Variants in DPF3 observed in about 807,000 individuals in gnomAD.
DPF3 encodes the protein double PHD fingers 3.
In DPF3, 18 loss-of-function variants were observed where a neutral mutation model predicts 56.8. The ratio of observed to expected loss-of-function variants is 0.32; its 90% confidence interval spans 0.22 to 0.47. The LOEUF (loss-of-function observed/expected upper bound fraction) is 0.47, where lower values mean the gene tolerates loss of function less well. Among genes scored for constraint, DPF3 ranks in the 20% least tolerant of loss-of-function variants. The pLI, the probability that DPF3 is intolerant of heterozygous loss-of-function variation, is 1.00. For synonymous variants in DPF3, 188 were observed against 180.2 expected, an observed-to-expected ratio of 1.04 and a Z score of -0.35; for missense variants, 403 against 488.8, an observed-to-expected ratio of 0.82 and a Z score of 1.65.
intron 1 of DPF3, among the ~76,000 whole-genome samples, chr14:72,804,852 C>A (rs1319096754): frequency 6.6e-6 from 1 of 152,130 alleles, no homozygotes; most frequent in East Asian, 1.9e-4. Flanking sequence ...AAGACAGAGA[C>A]AAGAAATCAG....
chr14:72,746,232 A>C (rs980421645), intron 3 of DPF3, among the ~76,000 whole-genome samples: 6 of 152,256 alleles, frequency 3.9e-5, no homozygotes, highest in Non-Finnish European at 7.3e-5. Context: ...CTCTGGGAAG[A>C]CAGTGGGTAC....
chr14:72,808,002 A>T (rs1037685062), intron 1 of DPF3, among the ~76,000 whole-genome samples: 9 of 152,156 alleles, frequency 5.9e-5, no homozygotes, highest in African/African-American at 2.2e-4. Context: ...TAATGTGAGA[A>T]ACAAATGCCC....
rs547827546 is a variant in DPF3 at position 72,677,151 on chromosome 14, G to A, written c.743-2783C>T. On this transcript the variant is annotated intron_variant, in intron 7 of 10. Transcript: ENST00000556509. The stretch of plus-strand genomic sequence containing the variant: ...ATCCCATGTATAGGCCCCGGTATGT[G>A]CAGGAGTGACATGCCAGGCCAGCTG... 2.0e-5 allele frequency among the ~76,000 whole-genome samples: 3 copies of A among 152,348 alleles called. No individual in the cohort carries two copies. The East Asian group carries it at 5.8e-4, about 29-fold the overall frequency.
At chr14:72,768,933 CTGTGTGTG>C (rs10543093) in intron 2 of DPF3, among the ~76,000 whole-genome samples, 6,132 of 146,424 alleles carry the variant, frequency 0.042, 219 homozygotes, top group East Asian at 0.17. Flanking sequence ...GTGTGAGTGT[CTGTGTGTG>C]TGTGTGTGTG....
Position 72,618,222 on chromosome 14 carries a change from C to T in DPF3, c.*1075G>A, listed in dbSNP as rs1324082548. Among the ~76,000 whole-genome samples the T allele has an allele frequency of 6.6e-6, 1 of 152,192 alleles. No homozygotes were observed. Among genetic ancestry groups the T allele is most frequent in the Non-Finnish European group, 1.5e-5 (1 of 68,034 alleles). ...ATCTTCTCTCCCCCATCCTAAAATT[C>T]CCAGTCAGGTCTCAGTAGACAATAG... is the stretch of plus-strand genomic sequence containing the variant. On this transcript the variant is annotated 3_prime_UTR_variant, in exon 11 of 11. Transcript: ENST00000556509.
intron 1 of DPF3, among the ~76,000 whole-genome samples, chr14:72,779,565 C>T (rs1891886091): frequency 6.6e-6 from 1 of 152,218 alleles, no homozygotes; most frequent in Non-Finnish European, 1.5e-5. Flanking sequence ...CTGAGTCCAG[C>T]TCCACCTCTT....
intron 1 of DPF3, chr14:72,892,532 G>A: frequency 7.2e-7 from 1 of 1,389,678 alleles, no homozygotes; most frequent in Non-Finnish European, 9.3e-7. Context: ...TGGGCGACGA[G>A]CTGGCGCAAA....
chr14:72,628,524 G>C (rs190183210), intron 9 of DPF3, among the ~76,000 whole-genome samples: 4 of 152,172 alleles, frequency 2.6e-5, no homozygotes, highest in Non-Finnish European at 5.9e-5. Context: ...TAACAAAATA[G>C]TCAATCCAGT....
At chr14:72,690,071 G>A (rs1254765440) in intron 7 of DPF3, among the ~76,000 whole-genome samples, 1 of 152,116 alleles carries the variant, frequency 6.6e-6, no homozygotes, top group African/African-American at 2.4e-5. Context: ...TCAGCAGGGT[G>A]AGAAAGAGAA....
At chr14:72,704,550 C>A (rs1888325754) in intron 6 of DPF3, among the ~76,000 whole-genome samples, 1 of 152,122 alleles carries the variant, frequency 6.6e-6, no homozygotes, top group Non-Finnish European at 1.5e-5. Context: ...AGGCCTTCTT[C>A]CACCTACAAT....
intron 1 of DPF3, among the ~76,000 whole-genome samples, chr14:72,778,229 G>A (rs754269173): frequency 2.6e-5 from 4 of 152,228 alleles, no homozygotes; most frequent in Non-Finnish European, 5.9e-5. Flanking sequence ...GTCCATGCCT[G>A]TTAGGAACTG....
intron 7 of DPF3, among the ~76,000 whole-genome samples, chr14:72,678,569 A>G (rs374469568): frequency 6.6e-6 from 1 of 152,344 alleles, no homozygotes; most frequent in African/African-American, 2.4e-5. Flanking sequence ...AGCCATGAGC[A>G]ATTTCCTGGT....
chr14:72,793,990 G>A (rs1487573833), intron 1 of DPF3, among the ~76,000 whole-genome samples: 5 of 152,158 alleles, frequency 3.3e-5, no homozygotes, highest in Non-Finnish European at 7.3e-5. Context: ...ATCCAGTCAG[G>A]CAACATCCAT....
rs559284458 is a variant in DPF3, at chr14:72,702,643, G to A, written c.605-9430C>T. On this transcript the variant is annotated intron_variant, in intron 6 of 10. Coordinates refer to ENST00000556509, the MANE Select transcript of DPF3 (RefSeq NM_001280542.3). The stretch of plus-strand genomic sequence containing the variant: ...ATCTTCTCTCTGCAGAACCATCTGG[G>A]GGATGGAGGCATTCCTACAACCAAT... Among the ~76,000 whole-genome samples, 5 of 152,254 alleles carry A rather than the reference G, an allele frequency of 3.3e-5. No individual in the cohort carries two copies. The East Asian group carries it at 9.7e-4, about 29-fold the overall frequency.
At chr14:72,756,897 GAAAAGAAA>G (rs1176049608) in intron 2 of DPF3, among the ~76,000 whole-genome samples, 2 of 45,298 alleles carry the variant, frequency 4.4e-5, no homozygotes, top group Non-Finnish European at 7.6e-5. Context: ...AAGAAAGAAA[GAAAAGAAA>G]AAAAGAAAGA....
intron 8 of DPF3, among the ~76,000 whole-genome samples, chr14:72,672,032 CACACACACACACACACACACACACACAG>C (rs1471555851): frequency 1.0e-5 from 1 of 97,916 alleles, no homozygotes; most frequent in Non-Finnish European, 2.0e-5. Context: ...GTGCACACCA[CACACACACACACACACACACACACACAG>C]ACACACACAC....
chr14:72,735,229 C>A (rs1395448254), intron 3 of DPF3, among the ~76,000 whole-genome samples: 1 of 152,176 alleles, frequency 6.6e-6, no homozygotes, highest in Non-Finnish European at 1.5e-5. Context: ...AAAGGCAGAT[C>A]TTTAACTGAG....
chr14:72,824,551 C>CTTTTTTTTTTTTTTTTTTTTTT (rs375498304), intron 1 of DPF3, among the ~76,000 whole-genome samples: 2 of 143,256 alleles, frequency 1.4e-5, no homozygotes, highest in Non-Finnish European at 3.0e-5. Flanking sequence ...TTTTCTTTTT[C>CTTTTTTTTTTTTTTTTTTTTTT]TTTTTTTTTT....
chr14:72,707,300 T>G (rs1888447935), intron 6 of DPF3, among the ~76,000 whole-genome samples: 4 of 152,176 alleles, frequency 2.6e-5, no homozygotes, highest in Admixed American at 2.6e-4. Context: ...TGTGCATGTG[T>G]CTTTATAGCA....
Sources: allele counts gnomAD v4.1 joint callset (sites outside exome capture counted in the v4.1 genomes callset), GRCh38; gene constraint gnomAD v4.1.1; transcripts MANE v1.5; gene names NCBI Gene and HGNC (gene_info 2026-07-23, HGNC 2026-07-21).